RBPMS: variants seen among roughly 807,000 people sequenced by gnomAD.
RBPMS encodes the protein RNA-binding protein with multiple splicing.
Under a neutral mutation model 26.8 loss-of-function variants are expected in RBPMS, and 7 were observed. That is an observed-to-expected ratio of 0.26 (90% CI 0.15 to 0.49). The LOEUF (loss-of-function observed/expected upper bound fraction) is 0.49. Among genes scored for constraint, RBPMS ranks in the 20% least tolerant of loss-of-function variants. The pLI is 0.98. For missense variants in RBPMS, 186 were observed against 250.0 expected (o/e 0.74, Z 1.73); for synonymous variants, 96 against 93.3 (o/e 1.03, Z -0.17).
Position 30,571,343 on chromosome 8 carries a change from G to C in RBPMS, c.*818G>C, listed in dbSNP as rs1306406360. 6.6e-6 allele frequency: 1 copy of C among 152,228 alleles called. No homozygotes were observed. The highest frequency in any genetic ancestry group is 1.9e-4 in the East Asian group (1 of 5,194). The allele number at this position is 152,228 out of a possible 1,614,324, so 9.4% of individuals were successfully genotyped here. A position where few individuals can be genotyped will look rare whatever the true frequency, so the allele number is the denominator to read the frequency against. On this transcript the variant is annotated 3_prime_UTR_variant, in exon 9 of 9. Transcript: ENST00000397323. ...TGTGTGCCAAGTGTGACTTTGTACAGTTTTATGTTTCCACTCTCCTGTATG... is the reference window on the plus strand; with the variant it reads ...TGTGTGCCAAGTGTGACTTTGTACACTTTTATGTTTCCACTCTCCTGTATG...
chr8:30,531,636 G>T (rs1375754737), intron 5 of RBPMS, among the ~76,000 whole-genome samples: 1 of 152,196 alleles, frequency 6.6e-6, no homozygotes, highest in African/African-American at 2.4e-5. Flanking sequence ...GAATGAGAGG[G>T]CAGGAGGGGG....
intron 7 of RBPMS, chr8:30,562,133 C>A: frequency 1.5e-6 from 1 of 650,592 alleles, no homozygotes; most frequent in Non-Finnish European, 1.9e-6. Flanking sequence ...AAGTTTGAGA[C>A]CAGCCCAGCC....
Position 30,385,107 on chromosome 8 carries a change from CA to C in RBPMS, c.18del (p.Ala7ProfsTer49). On this transcript the variant is annotated frameshift_variant, in exon 1 of 9. Coordinates refer to ENST00000397323, the MANE Select transcript of RBPMS (RefSeq NM_001008710.3). LOFTEE classifies it high-confidence loss of function. MNNGG[K>X]AEKENTPSEA... is the part of the protein sequence containing the mutation. The stretch of plus-strand genomic sequence containing the variant: ...GGACCGGGAAGATGAACAACGGCGG[CA>C]AAGCCGAGAAGGAGAACACCCCGAG... 1 of 1,525,176 alleles carries C rather than the reference CA, an allele frequency of 6.6e-7. No homozygotes were observed. Among genetic ancestry groups the C allele is most frequent in the Non-Finnish European group, 8.8e-7 (1 of 1,137,766 alleles). 94.5% of individuals were successfully genotyped at this position (1,525,176 alleles called of 1,614,324 possible). A position where few individuals can be genotyped will look rare whatever the true frequency, so the allele number is the denominator to read the frequency against.
rs1203853644 is a variant in RBPMS at position 30,504,409 on chromosome 8, G to A, written c.370G>A (p.Val124Ile). 3 of 1,613,946 alleles carry A rather than the reference G, an allele frequency of 1.9e-6. No homozygotes were observed. Among genetic ancestry groups the A allele is most frequent in the African/African-American group, 2.7e-5 (2 of 74,914 alleles). ...CCCCAGTACTCCTCTGCCCAACACT[G>A]TACCTCAGTTCATTGCCAGAGAGCC... The part of the protein sequence containing the change: ...PNPSTPLPNT[V>I]PQFIAREPYE... Residue 124 changes from valine (V) to isoleucine (I), a missense_variant, in exon 5 of 9, where the codon GTA becomes ATA. Val to Ile is a conservative substitution (Grantham distance 29). Around this residue, in one of 3 missense-constraint regions of RBPMS, gnomAD observed 98 missense variants for 113.6 expected, o/e 0.86. Transcript: ENST00000397323.
intron 5 of RBPMS, among the ~76,000 whole-genome samples, chr8:30,508,524 T>C (rs1821282006): frequency 6.6e-6 from 1 of 152,198 alleles, no homozygotes; most frequent in African/African-American, 2.4e-5. Context: ...TGTGTAAAAA[T>C]GGGTACATTC....
intron 5 of RBPMS, among the ~76,000 whole-genome samples, chr8:30,540,493 G>C (rs1585815629): frequency 6.6e-6 from 1 of 152,152 alleles, no homozygotes; most frequent in South Asian, 2.1e-4. Flanking sequence ...CACAGTCAGA[G>C]CGCACTGCAA....
chr8:30,557,643 T>C (rs1288571359), intron 6 of RBPMS, among the ~76,000 whole-genome samples: 2 of 152,194 alleles, frequency 1.3e-5, no homozygotes, highest in African/African-American at 2.4e-5. Context: ...AGTCCTCCTC[T>C]GCCACCCTGC....
chr8:30,566,690 G>A (rs1827910773), intron 8 of RBPMS, among the ~76,000 whole-genome samples: 1 of 152,192 alleles, frequency 6.6e-6, no homozygotes, highest in African/African-American at 2.4e-5. Flanking sequence ...CTGAAACGAA[G>A]CTTTTCCCTT....
intron 4 of RBPMS, among the ~76,000 whole-genome samples, chr8:30,497,917 C>G (rs1477133033): frequency 6.6e-6 from 1 of 151,774 alleles, no homozygotes; most frequent in South Asian, 2.1e-4. Flanking sequence ...CCACCAAGCC[C>G]GGCCACAAGG....
At position 30,547,473 on chromosome 8, in the gene RBPMS, G is replaced by A. The variant is rs754799389; in HGVS notation, c.528+2849G>A. On this transcript the variant is annotated intron_variant, in intron 6 of 8. Coordinates refer to ENST00000397323, the MANE Select transcript of RBPMS (RefSeq NM_001008710.3). ...CCTTTCACAAAAACTATTTCTTGAC[G>A]ACCTTTGAGAGATTTCAATAAAAAT... is the stretch of plus-strand genomic sequence containing the variant. The A allele has an allele frequency of 1.2e-5, 18 of 1,561,026 alleles. No individual in the cohort carries two copies. The South Asian group carries it at 1.6e-4, about 14-fold the overall frequency.
At chr8:30,434,800 C>T (rs1563315027) in intron 1 of RBPMS, among the ~76,000 whole-genome samples, 3 of 151,286 alleles carry the variant, frequency 2.0e-5, no homozygotes, top group Non-Finnish European at 4.4e-5. Context: ...CACACACACA[C>T]ATTTAGTTCT....
chr8:30,413,903 C>T (rs927619164), intron 1 of RBPMS, among the ~76,000 whole-genome samples: 1 of 152,078 alleles, frequency 6.6e-6, no homozygotes, highest in Admixed American at 6.6e-5. Flanking sequence ...GAGCCGCATC[C>T]AGCTAATTTT....
chr8:30,468,353 C>CATTT (rs1333370906), intron 1 of RBPMS, among the ~76,000 whole-genome samples: 1 of 151,988 alleles, frequency 6.6e-6, no homozygotes, highest in Non-Finnish European at 1.5e-5. Flanking sequence ...GGTCTGTCTC[C>CATTT]ATTTCAGTCT....
At chr8:30,537,318 AAAAGTG>A (rs1287842140) in intron 5 of RBPMS, among the ~76,000 whole-genome samples, 53 of 152,216 alleles carry the variant, frequency 3.5e-4, no homozygotes, top group African/African-American at 1.1e-3. Context: ...CATTAAATGG[AAAAGTG>A]ACTCTGGGCC....
chr8:30,436,972 G>A (rs2150690390), intron 1 of RBPMS, among the ~76,000 whole-genome samples: 1 of 149,202 alleles, frequency 6.7e-6, no homozygotes, highest in East Asian at 2.0e-4. Flanking sequence ...GCCCAGGCTG[G>A]AGTGCAGTGG....
At chr8:30,497,429 A>G (rs1820080207) in intron 4 of RBPMS, among the ~76,000 whole-genome samples, 1 of 152,050 alleles carries the variant, frequency 6.6e-6, no homozygotes, top group Non-Finnish European at 1.5e-5. Context: ...CTATAATCCC[A>G]GCTACTCGGG....
chr8:30,514,699 T>TTTTTC (rs1377420978), intron 5 of RBPMS, among the ~76,000 whole-genome samples: 2 of 129,654 alleles, frequency 1.5e-5, no homozygotes, highest in African/African-American at 5.5e-5. Flanking sequence ...TTTTTTTTTT[T>TTTTTC]TTTTAATGTA....
intron 5 of RBPMS, among the ~76,000 whole-genome samples, chr8:30,528,017 A>G (rs1823779038): frequency 6.6e-6 from 1 of 152,136 alleles, no homozygotes; most frequent in South Asian, 2.1e-4. Context: ...CTCTACTAAT[A>G]TACAAAAATT....
rs114785033 is a variant in RBPMS, at chr8:30,509,764, G to A, written c.397+5328G>A. ...CCTAATCAATCTGGGCAGAAGGAAC[G>A]GGACACAAGGGAATGACTAAAAGTT... On this transcript the variant is annotated intron_variant, in intron 5 of 8. Transcript: ENST00000397323. Among the ~76,000 whole-genome samples, 1,488 of 152,244 alleles carry A rather than the reference G, an allele frequency of 9.8e-3. 22 individuals are homozygous for A. The highest frequency in any genetic ancestry group is 0.031 in the African/African-American group (1,272 of 41,534).
Sources: gnomAD v4.1 joint callset for allele counts (sites outside exome capture counted in the v4.1 genomes callset) on GRCh38, gnomAD v4.1.1 for gene constraint, gnomAD v4.1.1 regional missense constraint, MANE v1.5 for transcripts, NCBI Gene and HGNC (gene_info 2026-07-23, HGNC 2026-07-21) for gene names.